Variants in CDH12 observed in about 807,000 individuals in gnomAD.
CDH12 encodes the protein cadherin-12.
A neutral mutation model predicts 74.1 loss-of-function variants in CDH12; 41 were observed. That is an observed-to-expected ratio of 0.55 (90% CI 0.43 to 0.72). CDH12 has a LOEUF of 0.72. CDH12 is among the 30% of genes least tolerant of loss of function. The pLI is 0.00. For synonymous variants in CDH12, 399 were observed against 355.0 expected, an observed-to-expected ratio of 1.12 and a Z score of -1.39; for missense variants, 945 against 977.2, an observed-to-expected ratio of 0.97 and a Z score of 0.44.
chr5:22,764,010 A>G (rs780011123), intron 1 of CDH12, among the ~76,000 whole-genome samples: 59 of 152,052 alleles, frequency 3.9e-4, no homozygotes, highest in Admixed American at 6.6e-4. Flanking sequence ...TTTATACTTT[A>G]TATGTAAGAG....
intron 4 of CDH12, among the ~76,000 whole-genome samples, chr5:22,164,841 C>A (rs1748587137): frequency 7.0e-6 from 1 of 143,090 alleles, no homozygotes; most frequent in Non-Finnish European, 1.5e-5. Flanking sequence ...CTTAGGGATT[C>A]TTAGTCAGCC....
intron 1 of CDH12, among the ~76,000 whole-genome samples, chr5:22,726,578 C>A (rs147265040): frequency 1.4e-4 from 21 of 151,910 alleles, no homozygotes; most frequent in Admixed American, 1.4e-3. Flanking sequence ...TTTCCTCCAG[C>A]AATGAAAGAG....
At chr5:21,959,752 C>CAAAAAAAA (rs1176227757) in intron 6 of CDH12, among the ~76,000 whole-genome samples, 1 of 80,828 alleles carries the variant, frequency 1.2e-5, no homozygotes. Context: ...TACTAAAATC[C>CAAAAAAAA]AAAAAAAAAA....
intron 2 of CDH12, among the ~76,000 whole-genome samples, chr5:22,502,455 AACACACTAAT>A (rs1476044435): frequency 6.6e-5 from 10 of 152,128 alleles, no homozygotes; most frequent in Non-Finnish European, 1.2e-4. Flanking sequence ...GCAGCGTGAG[AACACACTAAT>A]ACATTAGTTA....
intron 6 of CDH12, among the ~76,000 whole-genome samples, chr5:21,903,517 G>C (rs578056147): frequency 1.3e-5 from 2 of 152,196 alleles, no homozygotes; most frequent in African/African-American, 4.8e-5. Context: ...TTATCTTAAA[G>C]GGGGAAAAGA....
chr5:22,448,217 T>C (rs1744904579), intron 2 of CDH12, among the ~76,000 whole-genome samples: 2 of 151,738 alleles, frequency 1.3e-5, no homozygotes, highest in African/African-American at 4.8e-5. Flanking sequence ...AATTAAGCAT[T>C]ACAAAAGTTT....
chr5:22,580,190 T>C, intron 1 of CDH12: 1 of 293,164 alleles, frequency 3.4e-6, no homozygotes, highest in Non-Finnish European at 6.8e-6. Flanking sequence ...ATTTTGGGTA[T>C]CCTTCTTATT....
chr5:22,753,650 T>G (rs1409221722), intron 1 of CDH12, among the ~76,000 whole-genome samples: 1 of 150,818 alleles, frequency 6.6e-6, no homozygotes, highest in Non-Finnish European at 1.5e-5. Context: ...GTTGGAAGCA[T>G]ATTGCAGGGA....
At chr5:22,371,065 G>A (rs909970941) in intron 3 of CDH12, among the ~76,000 whole-genome samples, 2 of 152,044 alleles carry the variant, frequency 1.3e-5, no homozygotes, top group Non-Finnish European at 1.5e-5. Flanking sequence ...AATAAATGGA[G>A]GTCAAACTTG....
chr5:22,462,979 G>C (rs1244329528), intron 2 of CDH12, among the ~76,000 whole-genome samples: 2 of 152,064 alleles, frequency 1.3e-5, no homozygotes, highest in African/African-American at 4.8e-5. Context: ...ATTAAATGAA[G>C]AAACAACATT....
chr5:22,753,897 C>G (rs1319212793), intron 1 of CDH12, among the ~76,000 whole-genome samples: 1 of 152,080 alleles, frequency 6.6e-6, no homozygotes, highest in Non-Finnish European at 1.5e-5. Context: ...TCCCTATTAT[C>G]TAACTTCTGT....
At chr5:22,618,373 C>G (rs1450756390) in intron 1 of CDH12, among the ~76,000 whole-genome samples, 3 of 152,122 alleles carry the variant, frequency 2.0e-5, no homozygotes, top group Non-Finnish European at 4.4e-5. Flanking sequence ...TTACAAGGAC[C>G]TACAGTAGCT....
intron 3 of CDH12, among the ~76,000 whole-genome samples, chr5:22,356,020 T>C (rs1340328895): frequency 6.6e-6 from 1 of 152,204 alleles, no homozygotes; most frequent in Non-Finnish European, 1.5e-5. Flanking sequence ...ATTATTCTTT[T>C]AATATTAAGG....
intron 3 of CDH12, among the ~76,000 whole-genome samples, chr5:22,243,891 C>A (rs1439392550): frequency 6.6e-6 from 1 of 152,144 alleles, no homozygotes; most frequent in Non-Finnish European, 1.5e-5. Context: ...ACATATTTAT[C>A]AAGAACCAGT....
chr5:21,907,296 G>A (rs987506156), intron 6 of CDH12, among the ~76,000 whole-genome samples: 2 of 152,134 alleles, frequency 1.3e-5, no homozygotes, highest in African/African-American at 2.4e-5. Flanking sequence ...CGGGGAGTGG[G>A]CAGCAGCACA....
At chr5:22,803,492 A>G (rs902130758) in intron 1 of CDH12, among the ~76,000 whole-genome samples, 9 of 152,160 alleles carry the variant, frequency 5.9e-5, no homozygotes, top group Non-Finnish European at 1.3e-4. Context: ...CCTACAATAC[A>G]CAAGTCATAA....
intron 3 of CDH12, among the ~76,000 whole-genome samples, chr5:22,228,336 T>C (rs1192643006): frequency 6.6e-6 from 1 of 152,252 alleles, no homozygotes; most frequent in Non-Finnish European, 1.5e-5. Flanking sequence ...ATATGCCACC[T>C]ACCACAAATT....
At chr5:22,587,127 C>T (rs1432590294) in intron 1 of CDH12, among the ~76,000 whole-genome samples, 5 of 152,056 alleles carry the variant, frequency 3.3e-5, no homozygotes, top group Admixed American at 6.6e-5. Context: ...TGAGCCATTG[C>T]GCACAGCCTA....
At chr5:22,302,064 A>T (rs1737908604) in intron 3 of CDH12, among the ~76,000 whole-genome samples, 1 of 152,148 alleles carries the variant, frequency 6.6e-6, no homozygotes, top group African/African-American at 2.4e-5. Context: ...AATTAAATAC[A>T]TAAAATACAA....
Sources: allele counts gnomAD v4.1 joint callset (sites outside exome capture counted in the v4.1 genomes callset), GRCh38; gene constraint gnomAD v4.1.1; transcripts MANE v1.5; gene names NCBI Gene and HGNC (gene_info 2026-07-23, HGNC 2026-07-21).